Variants in DSG1 observed in about 807,000 individuals in gnomAD.
DSG1 encodes the protein desmoglein 1.
Under a neutral mutation model 97.5 loss-of-function variants are expected in DSG1, and 39 were observed. That is an observed-to-expected ratio of 0.40 (90% CI 0.31 to 0.52). The LOEUF (loss-of-function observed/expected upper bound fraction) is 0.52, where lower values mean the gene tolerates loss of function less well. DSG1 is among the 20% of genes least tolerant of loss of function. DSG1 has a pLI of 0.53. For missense variants in DSG1, 1,311 were observed against 1,295.4 expected, an observed-to-expected ratio of 1.01 and a Z score of -0.18; for synonymous variants, 475 against 443.4, an observed-to-expected ratio of 1.07 and a Z score of -0.90.
intron 13 of DSG1, among the ~76,000 whole-genome samples, chr18:31,344,973 A>G (rs2071819742): frequency 6.6e-6 from 1 of 152,128 alleles, no homozygotes; most frequent in African/African-American, 2.4e-5. Flanking sequence ...CTTTAAATCT[A>G]TTTCTCCACC....
chr18:31,335,392 A>G (rs2071745545), intron 8 of DSG1, among the ~76,000 whole-genome samples: 1 of 152,162 alleles, frequency 6.6e-6, no homozygotes, highest in South Asian at 2.1e-4. Flanking sequence ...TTTTGCCCCA[A>G]ACTATTATAT....
chr18:31,323,351 T>TCCC (rs1296117019), intron 1 of DSG1, among the ~76,000 whole-genome samples: 1 of 152,056 alleles, frequency 6.6e-6, no homozygotes, highest in Admixed American at 6.5e-5. Flanking sequence ...CAATTTCCCT[T>TCCC]CCCCAGTTTA....
chr18:31,354,653 T>A lies in DSG1; in HGVS notation c.2457T>A (p.Gly819=), dbSNP rs550811085. The change falls in exon 15 of 15, where the codon GGT becomes GGA. Residue 819 remains glycine (G), a synonymous_variant. Transcript: ENST00000257192. ...AGAGCACCTATCCCTCGGGACCTGG[T>A]GTACTGCATCCTAAGCCTATTCTCG... is the stretch of plus-strand genomic sequence containing the variant. ...ISESTYPSGP[G]VLHPKPILDP... 2.5e-6 allele frequency: 4 copies of A among 1,614,066 alleles called. No individual in the cohort carries two copies. The highest frequency in any genetic ancestry group is 3.4e-6 in the Non-Finnish European group (4 of 1,180,032).
At chr18:31,343,641 C>A (rs1598708601) in intron 12 of DSG1, 58 bp downstream of exon 12, 3 of 1,612,346 alleles carry the variant, frequency 1.9e-6, no homozygotes, top group African/African-American at 1.3e-5. Flanking sequence ...AGTCTTTACA[C>A]ATGAACCAAG....
intron 9 of DSG1, among the ~76,000 whole-genome samples, 188 bp downstream of exon 9, chr18:31,336,801 A>T (rs533028093): frequency 6.6e-6 from 1 of 152,324 alleles, no homozygotes; most frequent in South Asian, 2.1e-4. Context: ...AATTCATGCA[A>T]GATGTAAGAT....
Position 31,328,309 on chromosome 18 carries a change from T to A in DSG1, c.337T>A (p.Ser113Thr), listed in dbSNP as rs1033378368. The A allele has an allele frequency of 1.2e-6, 2 of 1,613,356 alleles. No homozygotes were observed. The highest frequency in any genetic ancestry group is 1.3e-5 in the African/African-American group (1 of 75,010). Residue 113 changes from serine (S) to threonine (T), a missense_variant, in exon 4 of 15, where the codon TCC becomes ACC. By Grantham distance (58) the Ser-to-Thr change is moderately conservative. Transcript: ENST00000257192. ...GAAAACTGGTGAAATTAATATAACA[T>A]CCATAGTTGATCGAGAGGTCACTCC... ...NQKTGEINIT[S>T]IVDREVTPFF... is the part of the protein sequence containing the mutation.
In DSG1 at chr18:31,330,674, G is replaced by A. The variant is rs1042507943; in HGVS notation, c.517+638G>A. Among the ~76,000 whole-genome samples the A allele has an allele frequency of 2.0e-5, 3 of 152,064 alleles. No individual in the cohort carries two copies. The East Asian group carries it at 5.8e-4, about 29-fold the overall frequency. ...ACCATTCTTCAGAGGTATGCACTGT[G>A]TACATGCGCTCCATAATTATGTAAA... On this transcript the variant is annotated intron_variant, in intron 5 of 14. Coordinates refer to ENST00000257192, the MANE Select transcript of DSG1 (RefSeq NM_001942.4).
intron 5 of DSG1, 31 bp from the exon 6 acceptor site, chr18:31,331,670 C>T: frequency 6.2e-7 from 1 of 1,603,778 alleles, no homozygotes; most frequent in Non-Finnish European, 8.5e-7. Flanking sequence ...TGTAAATCAC[C>T]CATTTGCAAT....
chr18:31,348,464 T>A (rs1197492693), intron 14 of DSG1, among the ~76,000 whole-genome samples: 3,327 of 147,726 alleles, frequency 0.023, 155 homozygotes, highest in African/African-American at 0.084. Context: ...CATGATTTAT[T>A]CTCCTTTGGG....
Position 31,336,413 on chromosome 18 carries a change from T to G in DSG1, c.1065T>G (p.Ala355=). Residue 355 remains alanine, a synonymous_variant, in exon 9 of 15, where the codon GCT becomes GCG. Transcript: ENST00000257192. ...LQLSIGVRNK[A]EFHHSIMSQY... is the part of the protein sequence containing the mutation. The stretch of plus-strand genomic sequence containing the variant: ...TCAGTATTGGTGTCAGAAATAAAGC[T>G]GAATTTCATCATTCAATTATGTCTC... 1 of 1,613,936 alleles carries G rather than the reference T, an allele frequency of 6.2e-7. No homozygotes were observed. The highest frequency in any genetic ancestry group is 1.3e-5 in the African/African-American group (1 of 75,060).
intron 2 of DSG1, 128 bp downstream of exon 2, chr18:31,326,744 C>A: frequency 7.4e-7 from 1 of 1,345,030 alleles, no homozygotes; most frequent in Non-Finnish European, 1.1e-6. Context: ...TAATAGATTA[C>A]CAAAATTACC....
In DSG1 at chr18:31,329,156, C is replaced by T. The variant is rs575562567; in HGVS notation, c.373-736C>T. ...GACATTTCCATGGTCCTATAATTGC[C>T]ACTTACTTGGAGAATCATTCCATCA... On this transcript the variant is annotated intron_variant, in intron 4 of 14. Coordinates refer to ENST00000257192, the MANE Select transcript of DSG1 (RefSeq NM_001942.4). 5.9e-5 allele frequency among the ~76,000 whole-genome samples: 9 copies of T among 152,090 alleles called. No individual in the cohort carries two copies. The South Asian group carries it at 1.2e-3, about 21-fold the overall frequency.
rs184416256 is a variant in DSG1 at position 31,358,347 on chromosome 18, G to T, written c.*3001G>T. On this transcript the variant is annotated 3_prime_UTR_variant, in exon 15 of 15. Transcript: ENST00000257192. ...CATATTATTTACTTCTAAGCATGTT[G>T]TCTGATGTAATTGCATTTGCACTGA... 2.0e-4 allele frequency among the ~76,000 whole-genome samples: 30 copies of T among 152,008 alleles called. No individual in the cohort carries two copies. Among genetic ancestry groups the T allele is most frequent in the Non-Finnish European group, 5.9e-5 (4 of 67,846 alleles).
chr18:31,337,904 A>G (rs1598705329), intron 9 of DSG1, among the ~76,000 whole-genome samples: 3 of 152,226 alleles, frequency 2.0e-5, no homozygotes, highest in Admixed American at 6.5e-5. Flanking sequence ...ACAGGGGGGA[A>G]GTTCAGGCCA....
rs1003144613 is a variant in DSG1, at chr18:31,350,505, C to G, written c.2101-3792C>G. Among the ~76,000 whole-genome samples the G allele has an allele frequency of 2.4e-3, 365 of 151,038 alleles. 1 individual carries two copies. The highest frequency in any genetic ancestry group is 3.8e-3 in the Non-Finnish European group (259 of 67,796). On this transcript the variant is annotated intron_variant, in intron 14 of 14. Coordinates refer to ENST00000257192, the MANE Select transcript of DSG1 (RefSeq NM_001942.4). ...CATAAAATGAGTTAGGGAGGATTCT[C>G]TCTTTTTCTATTGATTGGAATAGTT...
chr18:31,333,809 TTATGTTTATTGACATAC>T (rs2071735263), intron 7 of DSG1, 86 bp downstream of exon 7: 13 of 1,512,170 alleles, frequency 8.6e-6, no homozygotes, highest in Non-Finnish European at 1.1e-5. Flanking sequence ...GAGGCACATG[TTATGTTTATTGACATAC>T]AACCCAAATG....
intron 11 of DSG1, among the ~76,000 whole-genome samples, chr18:31,342,167 C>T (rs2071793966): frequency 6.6e-6 from 1 of 152,062 alleles, no homozygotes; most frequent in Non-Finnish European, 1.5e-5. Context: ...CTCCTGACCT[C>T]GTGATCCACC....
Position 31,338,350 on chromosome 18 carries a change from C to T in DSG1, c.1301C>T (p.Ala434Val), listed in dbSNP as rs2144100864. ...GGAAATAATCCAGCTGACCTGCTAG[C>T]TGTTGATTCAAGAACAGGCAAACTC... ...VMGNNPADLL[A>V]VDSRTGKLTL... The change falls in exon 10 of 15, where the codon GCT (alanine) becomes GTT (valine). Residue 434 changes from alanine (A) to valine (V), a missense_variant. Physicochemically the swap from Ala to Val is moderately conservative, Grantham distance 64. Around this residue, in one of 3 missense-constraint regions of DSG1, gnomAD observed 1,038 missense variants for 964.6 expected, o/e 1.08. Transcript: ENST00000257192. 1 of 1,613,696 alleles carries T rather than the reference C, an allele frequency of 6.2e-7. No homozygotes were observed. The highest frequency in any genetic ancestry group is 8.5e-7 in the Non-Finnish European group (1 of 1,179,782).
intron 1 of DSG1, 63 bp downstream of exon 1, chr18:31,318,411 TA>T: frequency 1.6e-6 from 2 of 1,288,712 alleles, no homozygotes; most frequent in East Asian, 4.6e-5. Flanking sequence ...GAAAACTTTT[TA>T]GAAAATGTTA....
Sources: allele counts gnomAD v4.1 joint callset (sites outside exome capture counted in the v4.1 genomes callset), GRCh38; gene constraint gnomAD v4.1.1; regional missense constraint gnomAD v4.1.1; transcripts MANE v1.5; gene names NCBI Gene and HGNC (gene_info 2026-07-23, HGNC 2026-07-21).